Variants in SLC45A2 observed in about 807,000 individuals in gnomAD.
SLC45A2 encodes the protein membrane-associated transporter protein.
A neutral mutation model predicts 45.5 loss-of-function variants in SLC45A2; 36 were observed. That is an observed-to-expected ratio of 0.79 (90% CI 0.61 to 1.04). The LOEUF (loss-of-function observed/expected upper bound fraction) is 1.04, where lower values mean the gene tolerates loss of function less well. Among genes scored for constraint, SLC45A2 ranks in the 50% least tolerant of loss-of-function variants. The probability of loss-of-function intolerance (pLI) is 0.00; values close to 1 mark genes in which losing one functional copy is unlikely to be tolerated. For synonymous variants in SLC45A2, 306 were observed against 269.3 expected (o/e 1.14, Z -1.33); for missense variants, 719 against 671.0 (o/e 1.07, Z -0.79).
chr5:33,981,068 G>C (rs963573590), intron 2 of SLC45A2, among the ~76,000 whole-genome samples: 1 of 152,146 alleles, frequency 6.6e-6, no homozygotes, highest in African/African-American at 2.4e-5. Flanking sequence ...AGTGGGAAGG[G>C]AAGCCAAGAG....
intron 2 of SLC45A2, among the ~76,000 whole-genome samples, chr5:33,966,174 G>A (rs1752595659): frequency 6.6e-6 from 1 of 152,162 alleles, no homozygotes; most frequent in African/African-American, 2.4e-5. Flanking sequence ...AAAAATATAA[G>A]GATATGCATA....
At chr5:33,961,789 C>G (rs944617724) in intron 3 of SLC45A2, among the ~76,000 whole-genome samples, 1 of 152,172 alleles carries the variant, frequency 6.6e-6, no homozygotes, top group African/African-American at 2.4e-5. Flanking sequence ...TGTACCTGTT[C>G]CTGCCAAAGT....
At chr5:33,946,814 G>A (rs899322987) in intron 6 of SLC45A2, 16 of 1,247,138 alleles carry the variant, frequency 1.3e-5, no homozygotes, top group Admixed American at 3.7e-5. Context: ...AGACCTATGA[G>A]GTGGTTACAG....
At chr5:33,948,453 G>C (rs918760203) in intron 5 of SLC45A2, among the ~76,000 whole-genome samples, 3 of 152,032 alleles carry the variant, frequency 2.0e-5, no homozygotes, top group Admixed American at 6.5e-5. Flanking sequence ...ACAGATACTT[G>C]AAACGTGACT....
At chr5:33,954,226 A>G in intron 4 of SLC45A2, 135 bp downstream of exon 4, 10 of 1,254,592 alleles carry the variant, frequency 8.0e-6, no homozygotes, top group Non-Finnish European at 1.1e-5. Context: ...CCTGTCTGTA[A>G]GTCAGCTTCT....
chr5:33,944,786 C>T lies in SLC45A2; in HGVS notation c.1455G>A (p.Leu485=). Residue 485 remains leucine (L), a synonymous_variant, in exon 7 of 7, where the codon CTG becomes CTA. Coordinates refer to ENST00000296589, the MANE Select transcript of SLC45A2 (RefSeq NM_016180.5). ...GGCCACCTCCGACCAGGATCTGAGC[C>T]AGCTGCACCATGCATGTGAGGGTGG... is the stretch of plus-strand genomic sequence containing the variant. ...DCATLTCMVQ[L]AQILVGGGLG... 1 of 1,614,216 alleles carries T rather than the reference C, an allele frequency of 6.2e-7. No individual in the cohort carries two copies. The highest frequency in any genetic ancestry group is 8.5e-7 in the Non-Finnish European group (1 of 1,180,036).
chr5:33,971,007 C>A lies in SLC45A2; in HGVS notation c.563-6991G>T, dbSNP rs1461873388. 8 of 499,194 alleles carry A rather than the reference C, an allele frequency of 1.6e-5. No individual in the cohort carries two copies. In the East Asian group the frequency reaches 4.7e-4, roughly 29 times the overall value. 30.9% of individuals were successfully genotyped at this position (499,194 alleles called of 1,614,324 possible). On this transcript the variant is annotated intron_variant, in intron 2 of 6. Transcript: ENST00000296589. ...GAAAAGTCTGAAAATGATCTGAAGG[C>A]CCTAAAAAGTGTTGGGCAGATTGTG...
At position 33,984,188 on chromosome 5, in the gene SLC45A2, A is replaced by G; in HGVS notation, c.385+11T>C. The G allele has an allele frequency of 6.2e-7, 1 of 1,613,810 alleles. No homozygotes were observed. Among genetic ancestry groups the G allele is most frequent in the Non-Finnish European group, 8.5e-7 (1 of 1,179,950 alleles). ...ATATCCCTGTCTGCCCACCTTGTGC[A>G]GCCCACTTACCTGCTACAACAGTAG... On this transcript the variant is annotated intron_variant, in intron 1 of 6. Coordinates refer to ENST00000296589, the MANE Select transcript of SLC45A2 (RefSeq NM_016180.5).
At chr5:33,950,006 AG>A (rs1425269130) in intron 5 of SLC45A2, among the ~76,000 whole-genome samples, 1 of 151,920 alleles carries the variant, frequency 6.6e-6, no homozygotes, top group Non-Finnish European at 1.5e-5. Context: ...TGGGCAATGT[AG>A]GGAGACCCCA....
intron 2 of SLC45A2, chr5:33,971,037 A>T: frequency 2.0e-6 from 1 of 496,328 alleles, no homozygotes; most frequent in Non-Finnish European, 4.1e-6. Flanking sequence ...ATTGTGAGTA[A>T]CATGCTTAAA....
At chr5:33,956,694 A>G (rs2111936354) in intron 3 of SLC45A2, among the ~76,000 whole-genome samples, 1 of 152,284 alleles carries the variant, frequency 6.6e-6, no homozygotes, top group African/African-American at 2.4e-5. Context: ...TCAATCCCAG[A>G]GTCCTGATTT....
At chr5:33,970,371 T>C (rs1298219094) in intron 2 of SLC45A2, among the ~76,000 whole-genome samples, 1 of 152,272 alleles carries the variant, frequency 6.6e-6, no homozygotes, top group Non-Finnish European at 1.5e-5. Flanking sequence ...TTTGGTGCCC[T>C]TCCTAAGCCT....
chr5:33,973,889 G>A (rs1448641239), intron 2 of SLC45A2, among the ~76,000 whole-genome samples: 1 of 152,142 alleles, frequency 6.6e-6, no homozygotes, highest in African/African-American at 2.4e-5. Flanking sequence ...CTAACATGGT[G>A]CAGAGATTTG....
chr5:33,964,045 T>C, intron 2 of SLC45A2, 29 bp from the exon 3 acceptor site: 1 of 1,608,900 alleles, frequency 6.2e-7, no homozygotes, highest in Non-Finnish European at 8.5e-7. Flanking sequence ...TATGTTAGCA[T>C]ATTTAGCAAA....
chr5:33,953,415 T>C (rs1752177677), intron 4 of SLC45A2, among the ~76,000 whole-genome samples: 1 of 150,228 alleles, frequency 6.7e-6, no homozygotes, highest in South Asian at 2.1e-4. Flanking sequence ...TATCTCATAG[T>C]GGTTTTGATT....
chr5:33,952,768 G>A (rs1434323385), intron 4 of SLC45A2, among the ~76,000 whole-genome samples: 1 of 126,400 alleles, frequency 7.9e-6, no homozygotes, highest in Non-Finnish European at 1.6e-5. Flanking sequence ...ATGTATACAT[G>A]TGCCATGCTG....
intron 4 of SLC45A2, 55 bp downstream of exon 4, chr5:33,954,306 G>A (rs1050457702): frequency 5.0e-6 from 8 of 1,611,106 alleles, no homozygotes; most frequent in African/African-American, 1.3e-5. Flanking sequence ...CTCAACAGGT[G>A]TTAATGGAGG....
intron 6 of SLC45A2, chr5:33,946,526 T>G: frequency 1.0e-6 from 1 of 985,676 alleles, no homozygotes; most frequent in Non-Finnish European, 1.2e-6. Context: ...AAACACCAAC[T>G]CTGTTATAAG....
At chr5:33,950,294 T>C (rs1304152773) in intron 5 of SLC45A2, among the ~76,000 whole-genome samples, 1 of 152,226 alleles carries the variant, frequency 6.6e-6, no homozygotes, top group Non-Finnish European at 1.5e-5. Flanking sequence ...TAGACCCTTT[T>C]AGTCTAACAT....
Sources: allele counts gnomAD v4.1 joint callset (sites outside exome capture counted in the v4.1 genomes callset), GRCh38; gene constraint gnomAD v4.1.1; transcripts MANE v1.5; gene names NCBI Gene and HGNC (gene_info 2026-07-23, HGNC 2026-07-21).